MGMT: variants seen among roughly 807,000 people sequenced by gnomAD.
MGMT encodes the protein methylated-DNA--protein-cysteine methyltransferase.
Under a neutral mutation model 15.9 loss-of-function variants are expected in MGMT, and 14 were observed. The ratio of observed to expected loss-of-function variants is 0.88; its 90% CI spans 0.58 to 1.37. MGMT has a LOEUF of 1.37. MGMT is among the 40% of genes most tolerant of loss of function. The pLI is 0.00. For synonymous variants in MGMT, 130 were observed against 118.2 expected, an observed-to-expected ratio of 1.10 and a Z score of -0.65; for missense variants, 282 against 268.1, an observed-to-expected ratio of 1.05 and a Z score of -0.36.
chr10:129,737,088 G>C (rs2133167688), intron 3 of MGMT, among the ~76,000 whole-genome samples: 1 of 151,976 alleles, frequency 6.6e-6, no homozygotes, highest in Admixed American at 6.6e-5. Context: ...TGTATTTCCT[G>C]AATCTGAATG....
chr10:129,737,908 C>T lies in MGMT; in HGVS notation c.275-21294C>T, dbSNP rs935751046. On this transcript the variant is annotated intron_variant, in intron 3 of 4. Transcript: ENST00000651593. ...GACCCACTTGAGGAGGCAGTCTGCC[C>T]GTTCTCAGATCTGTAGCTGCGTGCT... Among the ~76,000 whole-genome samples the T allele has an allele frequency of 5.3e-5, 8 of 152,316 alleles. No homozygotes were observed. The South Asian group carries it at 8.3e-4, about 16-fold the overall frequency.
chr10:129,741,085 C>T (rs1054585391), intron 3 of MGMT, among the ~76,000 whole-genome samples: 2 of 152,096 alleles, frequency 1.3e-5, no homozygotes, highest in African/African-American at 4.8e-5. Flanking sequence ...AGGACCATGG[C>T]GGGCACTCTG....
At chr10:129,508,638 C>T (rs1044906815) in intron 1 of MGMT, among the ~76,000 whole-genome samples, 5 of 151,550 alleles carry the variant, frequency 3.3e-5, no homozygotes, top group South Asian at 2.1e-4. Flanking sequence ...CTCTGCCTCC[C>T]GGGTTCAAGT....
chr10:129,549,231 G>A (rs975804481), intron 2 of MGMT, among the ~76,000 whole-genome samples: 18 of 152,124 alleles, frequency 1.2e-4, no homozygotes, highest in African/African-American at 4.3e-4. Flanking sequence ...CCTAACTGTA[G>A]CAGACCATCT....
At chr10:129,681,592 C>A (rs1415243745) in intron 2 of MGMT, among the ~76,000 whole-genome samples, 1 of 152,158 alleles carries the variant, frequency 6.6e-6, no homozygotes, top group East Asian at 1.9e-4. Context: ...ATACCATTGA[C>A]CTTTGAACAA....
chr10:129,583,409 T>A (rs1846580184), intron 2 of MGMT, among the ~76,000 whole-genome samples: 2 of 152,230 alleles, frequency 1.3e-5, no homozygotes, highest in Admixed American at 1.3e-4. Context: ...ACTCATCAGA[T>A]TTTTGAAGGC....
At chr10:129,576,590 A>G (rs61859893) in intron 2 of MGMT, among the ~76,000 whole-genome samples, 15,604 of 152,100 alleles carry the variant, frequency 0.1, 1,000 homozygotes, top group East Asian at 0.3. Flanking sequence ...TACTGAATGG[A>G]CAAAAACTGG....
At chr10:129,763,304 A>G (rs1347902295) in intron 4 of MGMT, among the ~76,000 whole-genome samples, 5 of 152,212 alleles carry the variant, frequency 3.3e-5, no homozygotes, top group Admixed American at 1.3e-4. Context: ...TAGGGCCCCA[A>G]TAAATTTCAG....
rs1005961945 is a variant in MGMT at position 129,770,504 on chromosome 10, C to T, written c.*3507C>T. On this transcript the variant is annotated 3_prime_UTR_variant, in exon 5 of 5. Transcript: ENST00000651593. ...CCCGGTCTCATCTGCCGCTTGCTCA[C>T]CTTGGCTGTCCATGCACCCGTAGCT... Among the ~76,000 whole-genome samples the T allele has an allele frequency of 2.0e-5, 3 of 152,246 alleles. No individual in the cohort carries two copies. The highest frequency in any genetic ancestry group is 1.9e-4 in the East Asian group (1 of 5,186).
chr10:129,590,673 C>G (rs1332766890), intron 2 of MGMT, among the ~76,000 whole-genome samples: 3 of 152,180 alleles, frequency 2.0e-5, no homozygotes, highest in Non-Finnish European at 2.9e-5. Context: ...GCTAGAAACT[C>G]TCAATAAAAA....
At chr10:129,640,513 T>C (rs1847316080) in intron 2 of MGMT, among the ~76,000 whole-genome samples, 1 of 152,224 alleles carries the variant, frequency 6.6e-6, no homozygotes, top group Non-Finnish European at 1.5e-5. Context: ...ATTTCAGACG[T>C]AGTTGTCTTC....
At chr10:129,675,589 C>T (rs60127116) in intron 2 of MGMT, among the ~76,000 whole-genome samples, 28,969 of 151,908 alleles carry the variant, frequency 0.19, 3,082 homozygotes, top group African/African-American at 0.26. Flanking sequence ...GCGGGAACAA[C>T]GCTTCAACCT....
chr10:129,565,257 A>G (rs1846341035), intron 2 of MGMT, among the ~76,000 whole-genome samples: 1 of 151,942 alleles, frequency 6.6e-6, no homozygotes, highest in Non-Finnish European at 1.5e-5. Context: ...TTAAAGAATT[A>G]TAGGTACCTT....
At chr10:129,492,929 T>G (rs985972672) in intron 1 of MGMT, among the ~76,000 whole-genome samples, 9 of 152,254 alleles carry the variant, frequency 5.9e-5, no homozygotes, top group African/African-American at 2.2e-4. Flanking sequence ...TTGGTCATGC[T>G]TTCTCCTGTC....
chr10:129,540,696 G>T (rs1846033744), intron 2 of MGMT, among the ~76,000 whole-genome samples: 1 of 152,190 alleles, frequency 6.6e-6, no homozygotes. Context: ...TCATTCTGAT[G>T]ACAGATCAAT....
chr10:129,518,871 G>C (rs985180205), intron 1 of MGMT, among the ~76,000 whole-genome samples: 1 of 151,758 alleles, frequency 6.6e-6, no homozygotes, highest in African/African-American at 2.4e-5. Context: ...CCCAACCCCT[G>C]CACTGTCCGA....
intron 3 of MGMT, among the ~76,000 whole-genome samples, chr10:129,758,518 G>A (rs1473260600): frequency 1.3e-5 from 2 of 152,126 alleles, no homozygotes; most frequent in Non-Finnish European, 2.9e-5. Context: ...CAGAGGGAGA[G>A]AATGTTCTCC....
chr10:129,569,580 G>A (rs958098467), intron 2 of MGMT, among the ~76,000 whole-genome samples: 3 of 152,112 alleles, frequency 2.0e-5, no homozygotes, highest in Non-Finnish European at 4.4e-5. Flanking sequence ...GCTCTTACCC[G>A]GGCCTGACTT....
At chr10:129,490,619 G>A (rs1404198824) in intron 1 of MGMT, among the ~76,000 whole-genome samples, 2 of 151,994 alleles carry the variant, frequency 1.3e-5, no homozygotes, top group Non-Finnish European at 2.9e-5. Context: ...TTTAAAATAT[G>A]TGTAAAGTAA....
Sources: allele counts gnomAD v4.1 joint callset (sites outside exome capture counted in the v4.1 genomes callset), GRCh38; gene constraint gnomAD v4.1.1; transcripts MANE v1.5; gene names NCBI Gene and HGNC (gene_info 2026-07-23, HGNC 2026-07-21).